ZFPM2: variants seen among roughly 807,000 people sequenced by gnomAD.
ZFPM2 encodes the protein zinc finger protein ZFPM2.
A neutral mutation model predicts 98.6 loss-of-function variants in ZFPM2; 20 were observed. The ratio of observed to expected loss-of-function variants is 0.20; its 90% confidence interval spans 0.14 to 0.29. The LOEUF (loss-of-function observed/expected upper bound fraction) is 0.29. Ranked by LOEUF, ZFPM2 falls within the 10% of genes least tolerant of loss-of-function variation. The pLI, the probability that ZFPM2 is intolerant of heterozygous loss-of-function variation, is 1.00. For missense variants in ZFPM2, 1,310 were observed against 1,388.6 expected, an observed-to-expected ratio of 0.94 and a Z score of 0.90; for synonymous variants, 518 against 502.7, an observed-to-expected ratio of 1.03 and a Z score of -0.41.
chr8:105,635,799 A>C (rs1183864244), intron 5 of ZFPM2, among the ~76,000 whole-genome samples: 2 of 152,146 alleles, frequency 1.3e-5, no homozygotes, highest in African/African-American at 2.4e-5. Flanking sequence ...CCTGGTCCCC[A>C]TTTATGATTC....
intron 3 of ZFPM2, among the ~76,000 whole-genome samples, chr8:105,489,466 A>ATATATATATATATAGATATATTTTTTTTT (rs1554610604): frequency 8.3e-6 from 1 of 119,810 alleles, no homozygotes; most frequent in African/African-American, 3.6e-5. Context: ...ATATATATAT[A>ATATATATATATATAGATATATTTTTTTTT]TTTTTTTTTT....
intron 5 of ZFPM2, among the ~76,000 whole-genome samples, chr8:105,745,827 T>C (rs1212232180): frequency 6.6e-6 from 1 of 152,114 alleles, no homozygotes; most frequent in African/African-American, 2.4e-5. Flanking sequence ...CGGTGCAATC[T>C]TGGCTCACTG....
chr8:105,395,427 T>C (rs755211503), intron 1 of ZFPM2, among the ~76,000 whole-genome samples: 1 of 152,298 alleles, frequency 6.6e-6, no homozygotes, highest in Non-Finnish European at 1.5e-5. Context: ...CCAGAGATGG[T>C]AGGATCCACA....
intron 2 of ZFPM2, among the ~76,000 whole-genome samples, chr8:105,438,699 T>TACGGTATG (rs1812174694): frequency 6.6e-6 from 1 of 152,208 alleles, no homozygotes; most frequent in South Asian, 2.1e-4. Flanking sequence ...CGAAGTCTGA[T>TACGGTATG]ACGGTATGTT....
At chr8:105,417,887 A>C (rs534096412) in intron 1 of ZFPM2, among the ~76,000 whole-genome samples, 21 of 152,236 alleles carry the variant, frequency 1.4e-4, no homozygotes, top group African/African-American at 4.8e-4. Flanking sequence ...GGAAAGGTAA[A>C]ACACATTTTT....
intron 1 of ZFPM2, among the ~76,000 whole-genome samples, chr8:105,378,718 C>T (rs1019444664): frequency 4.0e-5 from 6 of 151,830 alleles, no homozygotes; most frequent in South Asian, 2.1e-4. Flanking sequence ...TTTGATATAC[C>T]GTGTATGTTT....
At chr8:105,489,125 G>A (rs1161334355) in intron 3 of ZFPM2, among the ~76,000 whole-genome samples, 6 of 151,910 alleles carry the variant, frequency 3.9e-5, no homozygotes, top group Non-Finnish European at 7.4e-5. Context: ...TAATATAGCA[G>A]TACATTTCTA....
intron 5 of ZFPM2, among the ~76,000 whole-genome samples, chr8:105,674,998 T>G (rs1383841953): frequency 6.6e-6 from 1 of 152,128 alleles, no homozygotes; most frequent in African/African-American, 2.4e-5. Flanking sequence ...TATTTTCCAC[T>G]TGACAAAACC....
At chr8:105,643,002 A>G (rs952380487) in intron 5 of ZFPM2, among the ~76,000 whole-genome samples, 1 of 152,178 alleles carries the variant, frequency 6.6e-6, no homozygotes, top group Non-Finnish European at 1.5e-5. Context: ...CAGGCCTCCA[A>G]AAGTTCCTGA....
At chr8:105,416,483 C>T (rs1213486125) in intron 1 of ZFPM2, among the ~76,000 whole-genome samples, 2 of 151,546 alleles carry the variant, frequency 1.3e-5, no homozygotes, top group South Asian at 2.1e-4. Flanking sequence ...TTATTATATA[C>T]AGGCTTTTAT....
chr8:105,670,754 C>G (rs1298121318), intron 5 of ZFPM2, among the ~76,000 whole-genome samples: 1 of 152,196 alleles, frequency 6.6e-6, no homozygotes, highest in Non-Finnish European at 1.5e-5. Context: ...GGGCAGTTCA[C>G]TGCCTTGCTA....
chr8:105,470,684 A>G (rs1361766130), intron 3 of ZFPM2, among the ~76,000 whole-genome samples: 1 of 152,108 alleles, frequency 6.6e-6, no homozygotes, highest in Non-Finnish European at 1.5e-5. Flanking sequence ...AGGCTGAGGC[A>G]AGAGGATAAT....
intron 3 of ZFPM2, among the ~76,000 whole-genome samples, chr8:105,547,542 CAA>C (rs148322534): frequency 4.2e-5 from 2 of 47,188 alleles, no homozygotes; most frequent in Non-Finnish European, 7.4e-5. Flanking sequence ...AACTCCATCT[CAA>C]AAAAAAAAAA....
chr8:105,453,313 C>T (rs1285452016), intron 3 of ZFPM2, among the ~76,000 whole-genome samples: 1 of 152,078 alleles, frequency 6.6e-6, no homozygotes, highest in African/African-American at 2.4e-5. Flanking sequence ...TTTTTGAGTT[C>T]TTATTGCATA....
Position 105,790,768 on chromosome 8 carries a change from A to C in ZFPM2, c.739+1844A>C, listed in dbSNP as rs1224011730. ...ATTTGTTTGTATCCTCTTTTATTTC[A>C]TTGAGCAGTGGTTTGTAGTTCTCCT... On this transcript the variant is annotated intron_variant, in intron 6 of 7. Transcript: ENST00000407775. Among the ~76,000 whole-genome samples, 5 of 152,082 alleles carry C rather than the reference A, an allele frequency of 3.3e-5. No individual in the cohort carries two copies. In the South Asian group the frequency reaches 6.2e-4, roughly 19 times the overall value.
intron 5 of ZFPM2, among the ~76,000 whole-genome samples, chr8:105,664,552 TC>T (rs1817454994): frequency 6.6e-6 from 1 of 152,182 alleles, no homozygotes; most frequent in Non-Finnish European, 1.5e-5. Flanking sequence ...CAGGCTGGTC[TC>T]CAACTCCCAT....
intron 5 of ZFPM2, among the ~76,000 whole-genome samples, chr8:105,736,917 C>G (rs1259867451): frequency 1.3e-5 from 2 of 152,002 alleles, no homozygotes; most frequent in Non-Finnish European, 2.9e-5. Context: ...GAAAAATAAA[C>G]TATGATAGCC....
At chr8:105,596,934 A>G (rs746042992) in intron 4 of ZFPM2, among the ~76,000 whole-genome samples, 18 of 151,748 alleles carry the variant, frequency 1.2e-4, no homozygotes, top group Non-Finnish European at 2.5e-4. Context: ...TCTCTACTCT[A>G]TAAATTTAGT....
rs1414333593 is a variant in ZFPM2, at chr8:105,380,450, A to C, written c.41-38694A>C. Among the ~76,000 whole-genome samples the C allele has an allele frequency of 2.0e-5, 3 of 148,544 alleles. No homozygotes were observed. In the South Asian group the frequency reaches 6.3e-4, roughly 31 times the overall value. ...GTTCTTCTCTTGAACACTGAATCTC[A>C]CTCACGATCAACATTACATAAGGAC... On this transcript the variant is annotated intron_variant, in intron 1 of 7. Coordinates refer to ENST00000407775, the MANE Select transcript of ZFPM2 (RefSeq NM_012082.4).
Sources: allele counts gnomAD v4.1 joint callset (sites outside exome capture counted in the v4.1 genomes callset), GRCh38; gene constraint gnomAD v4.1.1; transcripts MANE v1.5; gene names NCBI Gene and HGNC (gene_info 2026-07-23, HGNC 2026-07-21).